DPP10: variants seen among roughly 807,000 people sequenced by gnomAD.
The protein encoded by DPP10 is dipeptidyl peptidase like 10, also known as inactive dipeptidyl peptidase 10.
A neutral mutation model predicts 120.9 loss-of-function variants in DPP10; 33 were observed. The ratio of observed to expected loss-of-function variants is 0.27; its 90% CI spans 0.21 to 0.37. DPP10 has a LOEUF of 0.37. DPP10 is among the 10% of genes least tolerant of loss of function. DPP10 has a pLI of 1.00. For missense variants in DPP10, 816 were observed against 942.8 expected (o/e 0.87, Z 1.76); for synonymous variants, 337 against 326.1 (o/e 1.03, Z -0.36).
In DPP10 at chr2:115,463,573, A is replaced by G. The variant is rs548917234; in HGVS notation, c.272-35937A>G. On this transcript the variant is annotated intron_variant, in intron 3 of 25. Coordinates refer to ENST00000410059, the MANE Select transcript of DPP10 (RefSeq NM_020868.6). Reference sequence around the variant, plus strand: ...GATGCCATAAAATTGTCTATCCTTCACCTCAAATACACAAAGTGTAATTTA... The same window carrying G: ...GATGCCATAAAATTGTCTATCCTTCGCCTCAAATACACAAAGTGTAATTTA... Among the ~76,000 whole-genome samples, 72 of 152,252 alleles carry G rather than the reference A, an allele frequency of 4.7e-4. 1 individual carries two copies. Among genetic ancestry groups the G allele is most frequent in the Middle Eastern group, 3.4e-3 (1 of 294 alleles).
intron 3 of DPP10, among the ~76,000 whole-genome samples, chr2:115,434,907 A>G (rs888659168): frequency 2.6e-5 from 4 of 151,766 alleles, no homozygotes; most frequent in African/African-American, 9.7e-5. Flanking sequence ...TTTAGCTTCC[A>G]CATGAGTGAT....
chr2:114,479,465 A>G (rs1454862230), intron 1 of DPP10, among the ~76,000 whole-genome samples: 2 of 152,126 alleles, frequency 1.3e-5, no homozygotes, highest in Non-Finnish European at 2.9e-5. Flanking sequence ...TAAAGGTGCA[A>G]ATGTAGTTCA....
chr2:114,736,394 A>G (rs1677441022), intron 1 of DPP10, among the ~76,000 whole-genome samples: 1 of 152,178 alleles, frequency 6.6e-6, no homozygotes, highest in African/African-American at 2.4e-5. Flanking sequence ...ATTTCTTGAT[A>G]AGCATCTGAT....
At chr2:115,805,556 T>C (rs527844418) in intron 19 of DPP10, among the ~76,000 whole-genome samples, 1 of 151,076 alleles carries the variant, frequency 6.6e-6, no homozygotes, top group South Asian at 2.1e-4. Flanking sequence ...GCTGTTCCTA[T>C]TCGGCCATCT....
chr2:115,780,793 T>C (rs1682662096), intron 15 of DPP10, 81 bp from the exon 16 acceptor site: 1 of 1,336,362 alleles, frequency 7.5e-7, no homozygotes, highest in Non-Finnish European at 1.0e-6. Flanking sequence ...CTTGTTTATA[T>C]TATATTTAAA....
intron 12 of DPP10, among the ~76,000 whole-genome samples, chr2:115,766,775 G>A (rs891825527): frequency 2.0e-5 from 3 of 152,110 alleles, no homozygotes; most frequent in Non-Finnish European, 2.9e-5. Flanking sequence ...AACACTTCAC[G>A]TGGCCTGAGA....
intron 1 of DPP10, among the ~76,000 whole-genome samples, chr2:115,215,203 G>C (rs796400426): frequency 1.3e-5 from 2 of 152,282 alleles, no homozygotes; most frequent in African/African-American, 4.8e-5. Context: ...AATACGTTGT[G>C]CTTCCATTTA....
chr2:115,363,886 A>G (rs1022203707), intron 3 of DPP10, among the ~76,000 whole-genome samples: 1 of 152,150 alleles, frequency 6.6e-6, no homozygotes, highest in Admixed American at 6.5e-5. Context: ...GGTTAACTGT[A>G]TTTATTCCTC....
chr2:115,468,655 T>G (rs570797054), intron 3 of DPP10: 116 of 359,356 alleles, frequency 3.2e-4, no homozygotes, highest in African/African-American at 2.3e-3. Context: ...GATCTCTACT[T>G]CTACAGAGAT....
intron 3 of DPP10, among the ~76,000 whole-genome samples, chr2:115,366,202 C>A (rs1360284897): frequency 6.6e-6 from 1 of 151,876 alleles, no homozygotes; most frequent in African/African-American, 2.4e-5. Flanking sequence ...ACTCTCCACT[C>A]TCAGCCTTTT....
At chr2:114,743,197 T>C (rs1678236821) in intron 1 of DPP10, among the ~76,000 whole-genome samples, 1 of 152,178 alleles carries the variant, frequency 6.6e-6, no homozygotes, top group Non-Finnish European at 1.5e-5. Flanking sequence ...GGGATTTTGA[T>C]CTTTAGGGAT....
At chr2:114,575,308 A>T (rs1689971241) in intron 1 of DPP10, among the ~76,000 whole-genome samples, 1 of 152,094 alleles carries the variant, frequency 6.6e-6, no homozygotes, top group Non-Finnish European at 1.5e-5. Flanking sequence ...CTATGTTGAG[A>T]TGTGGGTGGC....
intron 1 of DPP10, among the ~76,000 whole-genome samples, chr2:114,673,931 T>A (rs1006782662): frequency 6.6e-6 from 1 of 152,180 alleles, no homozygotes; most frequent in Admixed American, 6.6e-5. Context: ...AATCTGTTAC[T>A]TTCCACTGTA....
chr2:114,596,356 C>T (rs1160779328), intron 1 of DPP10, among the ~76,000 whole-genome samples: 1 of 151,916 alleles, frequency 6.6e-6, no homozygotes, highest in Non-Finnish European at 1.5e-5. Context: ...TCTTCACCCT[C>T]TGATGTCTAA....
At chr2:114,743,333 TGGATGAATGGAAAA>T (rs769672525) in intron 1 of DPP10, among the ~76,000 whole-genome samples, 3 of 152,100 alleles carry the variant, frequency 2.0e-5, no homozygotes, top group Admixed American at 6.6e-5. Flanking sequence ...TGTGAGTTTA[TGGATGAATGGAAAA>T]GGACCACAGC....
intron 1 of DPP10, among the ~76,000 whole-genome samples, chr2:114,927,969 G>T (rs1695763590): frequency 6.6e-6 from 1 of 151,948 alleles, no homozygotes; most frequent in South Asian, 2.1e-4. Context: ...TAATAAGAGT[G>T]AGATTTCACC....
intron 1 of DPP10, among the ~76,000 whole-genome samples, chr2:115,134,095 TAC>T (rs2050523768): frequency 1.3e-5 from 2 of 152,172 alleles, no homozygotes; most frequent in African/African-American, 4.8e-5. Context: ...CGATCTTAAA[TAC>T]AGTTAAATAA....
chr2:114,479,281 G>A (rs915652176), intron 1 of DPP10, among the ~76,000 whole-genome samples: 1 of 151,954 alleles, frequency 6.6e-6, no homozygotes, highest in Admixed American at 6.6e-5. Context: ...TCTTGAATTA[G>A]CTAAAACCAT....
At chr2:115,300,648 T>G (rs894753591) in intron 1 of DPP10, among the ~76,000 whole-genome samples, 1 of 152,068 alleles carries the variant, frequency 6.6e-6, no homozygotes, top group South Asian at 2.1e-4. Flanking sequence ...TTTTACTGTT[T>G]TGTTAGATAT....
Sources: gnomAD v4.1 joint callset for allele counts (sites outside exome capture counted in the v4.1 genomes callset) on GRCh38, gnomAD v4.1.1 for gene constraint, MANE v1.5 for transcripts, NCBI Gene and HGNC (gene_info 2026-07-23, HGNC 2026-07-21) for gene names.